KCNH6: variants seen among roughly 807,000 people sequenced by gnomAD.
The protein encoded by KCNH6 is potassium voltage-gated channel subfamily H member 6.
Under a neutral mutation model 83.4 loss-of-function variants are expected in KCNH6, and 81 were observed. The ratio of observed to expected loss-of-function variants is 0.97; its 90% CI spans 0.81 to 1.17. KCNH6 has a LOEUF of 1.17. Among genes scored for constraint, KCNH6 ranks in the 50% most tolerant of loss-of-function variants. The pLI, the probability that KCNH6 is intolerant of heterozygous loss-of-function variation, is 0.00. For synonymous variants in KCNH6, 503 were observed against 545.6 expected, an observed-to-expected ratio of 0.92 and a Z score of 1.09; for missense variants, 1,203 against 1,290.5, an observed-to-expected ratio of 0.93 and a Z score of 1.04.
chr17:63,537,639 G>T (rs1441522929), intron 6 of KCNH6, among the ~76,000 whole-genome samples: 2 of 152,134 alleles, frequency 1.3e-5, no homozygotes, highest in African/African-American at 4.8e-5. Flanking sequence ...GTTTCACCAT[G>T]TTGTCTGGGT....
chr17:63,539,386 C>T (rs1395536698), intron 8 of KCNH6, among the ~76,000 whole-genome samples: 1 of 152,200 alleles, frequency 6.6e-6, no homozygotes, highest in African/African-American at 2.4e-5. Context: ...CCCTCCTCAC[C>T]TGACACCCTC....
At chr17:63,541,121 C>G (rs1016849376) in intron 8 of KCNH6, among the ~76,000 whole-genome samples, 1 of 152,112 alleles carries the variant, frequency 6.6e-6, no homozygotes, top group African/African-American at 2.4e-5. Context: ...TTGGGAGGGT[C>G]CTTGTGGGTG....
intron 6 of KCNH6, among the ~76,000 whole-genome samples, chr17:63,536,838 C>A (rs2032529098): frequency 6.7e-6 from 1 of 149,096 alleles, no homozygotes; most frequent in Admixed American, 6.7e-5. Flanking sequence ...CCTGTAATCC[C>A]AGCTACTCAG....
Position 63,544,613 on chromosome 17 carries a change from AG to A in KCNH6, c.2396+206del, listed in dbSNP as rs542633558. ...ACATGCCAAGGGAGCTTCTCGGGGG[AG>A]GGGCACAACCATGTGCAGAAACAAA... is the stretch of plus-strand genomic sequence containing the variant. On this transcript the variant is annotated intron_variant, in intron 11 of 12. Transcript: ENST00000314672. Among the ~76,000 whole-genome samples, 955 of 152,036 alleles carry A rather than the reference AG, an allele frequency of 6.3e-3. 10 individuals are homozygous for A. Among genetic ancestry groups the A allele is most frequent in the Non-Finnish European group, 1.0e-2 (679 of 67,952 alleles).
chr17:63,539,429 G>A (rs1370767781), intron 8 of KCNH6, among the ~76,000 whole-genome samples: 4 of 152,116 alleles, frequency 2.6e-5, no homozygotes, highest in Non-Finnish European at 5.9e-5. Flanking sequence ...CACGGCTTCA[G>A]CCTTCACCTG....
rs998668067 is a variant in KCNH6 at position 63,545,382 on chromosome 17, G to A, written c.2583+118G>A. On this transcript the variant is annotated intron_variant, in intron 12 of 12. Coordinates refer to ENST00000314672, the MANE Select transcript of KCNH6 (RefSeq NM_001278919.2). The stretch of plus-strand genomic sequence containing the variant: ...GCCTCTGTGGCCCCAGAGCAGCCAG[G>A]GCTTCTGCTTACCTCCTTTATGATC... 6.2e-6 allele frequency: 7 copies of A among 1,136,466 alleles called. No homozygotes were observed. The African/African-American group carries it at 7.7e-5, about 13-fold the overall frequency. 70.4% of individuals were successfully genotyped at this position (1,136,466 alleles called of 1,614,324 possible).
At position 63,544,950 on chromosome 17, in the gene KCNH6, T is replaced by C. The variant is rs183586843; in HGVS notation, c.2397-128T>C. On this transcript the variant is annotated intron_variant, in intron 11 of 12. Coordinates refer to ENST00000314672, the MANE Select transcript of KCNH6 (RefSeq NM_001278919.2). ...GGGGCTGTGGATCCCAGTAAGGAAA[T>C]AGCTTCAGGTAGGCCCCAGGCCGCC... 5.3e-4 allele frequency: 465 copies of C among 884,430 alleles called. 2 individuals carry two copies. The African/African-American group carries it at 7.1e-3, about 14-fold the overall frequency. The allele number at this position is 884,430 out of a possible 1,614,324, so 54.8% of individuals were successfully genotyped here.
chr17:63,535,042 G>T lies in KCNH6; in HGVS notation c.1102-627G>T, dbSNP rs374159918. Among the ~76,000 whole-genome samples the T allele has an allele frequency of 6.6e-6, 1 of 152,098 alleles. No homozygotes were observed. The highest frequency in any genetic ancestry group is 2.4e-5 in the African/African-American group (1 of 41,402). On this transcript the variant is annotated intron_variant, in intron 5 of 12. Transcript: ENST00000314672. The surrounding 1 kb of genome is among the most constrained non-coding windows in gnomAD (Gnocchi z 4.9). The stretch of plus-strand genomic sequence containing the variant: ...CGCCCCTCCACACAGCTGCCACAGC[G>T]ACTTTCAGATCGCCTACCTGACCCT...
chr17:63,526,781 G>A (rs189195374), intron 2 of KCNH6, among the ~76,000 whole-genome samples: 11 of 152,150 alleles, frequency 7.2e-5, no homozygotes, highest in Admixed American at 2.0e-4. Flanking sequence ...GAAAATTCTC[G>A]AAGTCAAAGT....
chr17:63,544,199 G>A (rs1169109170), intron 10 of KCNH6, 50 bp from the exon 11 acceptor site: 1 of 1,601,904 alleles, frequency 6.2e-7, no homozygotes, highest in Non-Finnish European at 8.5e-7. Flanking sequence ...GAAGGGTCAG[G>A]CCTGTGGAAC....
chr17:63,537,145 C>A (rs2032554648), intron 6 of KCNH6, among the ~76,000 whole-genome samples: 1 of 152,048 alleles, frequency 6.6e-6, no homozygotes. Context: ...GTTTACAAAG[C>A]AAGAACCCAG....
Position 63,542,248 on chromosome 17 carries a change from T to C in KCNH6, c.1962T>C (p.Asn654=), listed in dbSNP as rs775977338. ...DDVVVAILGK[N]DIFGEPVSLH... ...CACCCCTCTGGCTGGCAGGAAAGAA[T>C]GACATCTTTGGGGAACCCGTCAGCC... Residue 654 remains asparagine (N), a synonymous_variant, in exon 9 of 13, where the codon AAT becomes AAC. Transcript: ENST00000314672. 1 of 1,613,532 alleles carries C rather than the reference T, an allele frequency of 6.2e-7. No individual in the cohort carries two copies. The highest frequency in any genetic ancestry group is 8.5e-7 in the Non-Finnish European group (1 of 1,179,754).
Position 63,538,427 on chromosome 17 carries a change from C to CG in KCNH6, c.1720dup (p.Glu574GlyfsTer6), listed in dbSNP as rs1568081914. The stretch of plus-strand genomic sequence containing the variant: ...CCTTGCAGGTGCTGAAGGGCTTCCC[C>CG]GAGTGCCTGCAGGCTGACATCTGCC... On this transcript the variant is annotated frameshift_variant, in exon 8 of 13. Transcript: ENST00000314672. LOFTEE classifies it high-confidence loss of function. The surrounding 1 kb of genome is among the most constrained non-coding windows in gnomAD (Gnocchi z 4.0). 4 of 1,600,438 alleles carry CG rather than the reference C, an allele frequency of 2.5e-6. No homozygotes were observed. Among genetic ancestry groups the CG allele is most frequent in the Non-Finnish European group, 3.4e-6 (4 of 1,174,446 alleles).
rs2033150023 is a variant in KCNH6, at chr17:63,546,455, G to A, written c.*553G>A. ...GGAGGCAGCTTACAGGATTGAGGGG[G>A]CAGTGAAGAAAGAGGTTTCTGATCT... is the stretch of plus-strand genomic sequence containing the variant. On this transcript the variant is annotated 3_prime_UTR_variant, in exon 13 of 13. Coordinates refer to ENST00000314672, the MANE Select transcript of KCNH6 (RefSeq NM_001278919.2). The A allele has an allele frequency of 6.5e-6, 1 of 153,716 alleles. No individual in the cohort carries two copies. Among genetic ancestry groups the A allele is most frequent in the Non-Finnish European group, 1.4e-5 (1 of 69,156 alleles). 9.5% of individuals were successfully genotyped at this position (153,716 alleles called of 1,614,324 possible). A position where few individuals can be genotyped will look rare whatever the true frequency, so the allele number is the denominator to read the frequency against.
In KCNH6 at chr17:63,543,680, A is replaced by AC. The variant is rs771370980; in HGVS notation, c.2233+25dup. On this transcript the variant is annotated intron_variant, in intron 10 of 12. Coordinates refer to ENST00000314672, the MANE Select transcript of KCNH6 (RefSeq NM_001278919.2). ...AGTCAGGTGAGCAAAGCCAGCCCCC[A>AC]CCCCCACCAGCCTGTAGCCCCTGCC... 1.4e-6 allele frequency: 2 copies of AC among 1,390,936 alleles called. No individual in the cohort carries two copies. The highest frequency in any genetic ancestry group is 2.5e-5 in the East Asian group (1 of 39,304). The allele number at this position is 1,390,936 out of a possible 1,614,324, so 86.2% of individuals were successfully genotyped here. A position where few individuals can be genotyped will look rare whatever the true frequency, so the allele number is the denominator to read the frequency against.
intron 1 of KCNH6, 94 bp from the exon 2 acceptor site, chr17:63,524,045 C>G: frequency 1.2e-6 from 1 of 861,886 alleles, no homozygotes; most frequent in Non-Finnish European, 2.0e-6. Flanking sequence ...TGCCTAAATT[C>G]CCCTTACTGC....
chr17:63,538,067 C>T lies in KCNH6; in HGVS notation c.1504C>T (p.Leu502=), dbSNP rs34770814. ...CTCACTCTCCGCCCCGCCCCCAGCC[C>T]TGATGTACGCCAGCATCTTCGGGAA... ...FSICVMLIGS[L]MYASIFGNVS... is the part of the protein sequence containing the mutation. The change falls in exon 7 of 13, where the codon CTG becomes TTG. Residue 502 remains leucine (L), a splice_region_variant and synonymous_variant. Coordinates refer to ENST00000314672, the MANE Select transcript of KCNH6 (RefSeq NM_001278919.2). This position sits in a 1 kb window ranked among gnomAD's most constrained non-coding sequence, Gnocchi z 4.0. 6.2e-7 allele frequency: 1 copy of T among 1,613,084 alleles called. No individual in the cohort carries two copies. The highest frequency in any genetic ancestry group is 8.5e-7 in the Non-Finnish European group (1 of 1,179,940).
Position 63,545,927 on chromosome 17 carries a change from G to A in KCNH6, c.*25G>A. ...AACTCCAAGATAAAGACACCATGAGGGGACTGAAGGTGGGCAAGGTGAGAG... is the reference window on the plus strand; with the variant it reads ...AACTCCAAGATAAAGACACCATGAGAGGACTGAAGGTGGGCAAGGTGAGAG... On this transcript the variant is annotated 3_prime_UTR_variant, in exon 13 of 13. Coordinates refer to ENST00000314672, the MANE Select transcript of KCNH6 (RefSeq NM_001278919.2). 1 of 1,606,844 alleles carries A rather than the reference G, an allele frequency of 6.2e-7. No homozygotes were observed. The highest frequency in any genetic ancestry group is 8.5e-7 in the Non-Finnish European group (1 of 1,175,398).
chr17:63,545,272 G>T lies in KCNH6; in HGVS notation c.2583+8G>T, dbSNP rs1477816297. On this transcript the variant is annotated splice_region_variant and intron_variant, in intron 12 of 12. Coordinates refer to ENST00000314672, the MANE Select transcript of KCNH6 (RefSeq NM_001278919.2). The stretch of plus-strand genomic sequence containing the variant: ...TTTCTGCCTCCTGCACAGGTAAGAG[G>T]TGAGGGGATTCCCAGGGGCTTACCT... 2 of 1,612,468 alleles carry T rather than the reference G, an allele frequency of 1.2e-6. No homozygotes were observed. The highest frequency in any genetic ancestry group is 1.3e-5 in the African/African-American group (1 of 74,920).
Sources: gnomAD v4.1 joint callset for allele counts (sites outside exome capture counted in the v4.1 genomes callset) on GRCh38, gnomAD v4.1.1 for gene constraint, Gnocchi (gnomAD v3.1) non-coding constraint, MANE v1.5 for transcripts, NCBI Gene and HGNC (gene_info 2026-07-23, HGNC 2026-07-21) for gene names.